DCDC1: variants seen among roughly 807,000 people sequenced by gnomAD.
DCDC1 encodes doublecortin domain-containing protein 1.
DCDC1 carries 200 observed loss-of-function variants against 178.3 expected under a neutral mutation model. The observed-to-expected ratio is 1.12, with a 90% confidence interval of 1.00 to 1.26. The LOEUF (loss-of-function observed/expected upper bound fraction) is 1.26, where lower values mean the gene tolerates loss of function less well. Among genes scored for constraint, DCDC1 ranks in the 50% most tolerant of loss-of-function variants. DCDC1 has a pLI of 0.00. For missense variants in DCDC1, 1,983 were observed against 1,749.2 expected, an observed-to-expected ratio of 1.13 and a Z score of -2.38; for synonymous variants, 690 against 604.8, an observed-to-expected ratio of 1.14 and a Z score of -2.07.
At chr11:31,343,433 AGTAG>A (rs1395229446) in intron 1 of DCDC1, among the ~76,000 whole-genome samples, 1 of 152,068 alleles carries the variant, frequency 6.6e-6, no homozygotes, top group East Asian at 1.9e-4. Flanking sequence ...CAGCCTCGCA[AGTAG>A]CTGAGATTAC....
intron 21 of DCDC1, among the ~76,000 whole-genome samples, chr11:30,932,346 T>C (rs994517284): frequency 6.6e-6 from 1 of 152,026 alleles, no homozygotes; most frequent in African/African-American, 2.4e-5. Flanking sequence ...CTAGATCTAA[T>C]TGGCAAAAAA....
chr11:31,327,935 G>A (rs2137859389), intron 3 of DCDC1, among the ~76,000 whole-genome samples, 182 bp downstream of exon 3: 1 of 152,026 alleles, frequency 6.6e-6, no homozygotes. Context: ...TCACCATGTT[G>A]GCCAGGCTGG....
intron 9 of DCDC1, among the ~76,000 whole-genome samples, chr11:31,190,111 G>T (rs1022840933): frequency 6.6e-6 from 1 of 152,272 alleles, no homozygotes. Flanking sequence ...GAACATCAGG[G>T]TATCACTTAT....
At chr11:30,946,731 C>A (rs1948078614) in intron 21 of DCDC1, among the ~76,000 whole-genome samples, 1 of 152,156 alleles carries the variant, frequency 6.6e-6, no homozygotes, top group Non-Finnish European at 1.5e-5. Context: ...CTGCTGCAAA[C>A]AACTAAAAAG....
At chr11:30,963,702 C>T (rs962611421) in intron 20 of DCDC1, among the ~76,000 whole-genome samples, 2 of 152,108 alleles carry the variant, frequency 1.3e-5, no homozygotes, top group Non-Finnish European at 2.9e-5. Context: ...CTCTGTAGCA[C>T]TACCTATCTA....
intron 20 of DCDC1, among the ~76,000 whole-genome samples, chr11:30,988,416 G>GA (rs1950778484): frequency 1.3e-5 from 2 of 151,822 alleles, no homozygotes; most frequent in African/African-American, 2.4e-5. Flanking sequence ...TATTCAGCTT[G>GA]AAAAAAAATG....
chr11:30,941,805 C>A (rs1046850306), intron 21 of DCDC1, among the ~76,000 whole-genome samples: 1 of 151,992 alleles, frequency 6.6e-6, no homozygotes, highest in Non-Finnish European at 1.5e-5. Flanking sequence ...TCATGAGGCA[C>A]AAATTTGTGA....
chr11:31,073,967 T>C (rs1371211947), intron 18 of DCDC1, among the ~76,000 whole-genome samples: 2 of 152,016 alleles, frequency 1.3e-5, no homozygotes, highest in Non-Finnish European at 2.9e-5. Context: ...AGTAGAAAAA[T>C]AAAATTACCA....
chr11:30,952,034 G>A (rs1297531248), intron 21 of DCDC1, among the ~76,000 whole-genome samples: 2 of 151,976 alleles, frequency 1.3e-5, no homozygotes, highest in Non-Finnish European at 2.9e-5. Flanking sequence ...AGGAAAGGGT[G>A]GAAAGAAGAT....
chr11:31,329,384 G>C (rs556698947), intron 2 of DCDC1, among the ~76,000 whole-genome samples: 8 of 137,726 alleles, frequency 5.8e-5, no homozygotes, highest in Non-Finnish European at 1.2e-4. Flanking sequence ...AGTTGGAGTC[G>C]GGATTTTCCA....
intron 8 of DCDC1, among the ~76,000 whole-genome samples, chr11:31,262,049 G>T (rs1015558910): frequency 1.3e-5 from 2 of 151,960 alleles, no homozygotes; most frequent in African/African-American, 4.8e-5. Flanking sequence ...AGGATTGCTT[G>T]AACACAGAAG....
chr11:30,865,776 A>G (rs1940924779), intron 38 of DCDC1, among the ~76,000 whole-genome samples: 1 of 151,938 alleles, frequency 6.6e-6, no homozygotes, highest in Non-Finnish European at 1.5e-5. Context: ...TGGTTTTTCC[A>G]TTAATATCAG....
intron 20 of DCDC1, among the ~76,000 whole-genome samples, chr11:30,975,112 G>A (rs754616010): frequency 1.3e-5 from 2 of 151,794 alleles, no homozygotes; most frequent in African/African-American, 2.4e-5. Flanking sequence ...AGAGAATGAG[G>A]TACAAAAACT....
intron 3 of DCDC1, among the ~76,000 whole-genome samples, chr11:31,310,432 C>T (rs1948706377): frequency 6.8e-6 from 1 of 146,934 alleles, no homozygotes; most frequent in Non-Finnish European, 1.5e-5. Flanking sequence ...GATTCTTCTG[C>T]CTCAGCTTCC....
intron 1 of DCDC1, among the ~76,000 whole-genome samples, chr11:31,359,601 A>G (rs1419483231): frequency 6.6e-6 from 1 of 152,188 alleles, no homozygotes; most frequent in Non-Finnish European, 1.5e-5. Context: ...AAAAAGAAAG[A>G]AAATGTCCCT....
At chr11:31,310,090 A>G (rs1269072523) in intron 3 of DCDC1, among the ~76,000 whole-genome samples, 1 of 152,146 alleles carries the variant, frequency 6.6e-6, no homozygotes, top group Non-Finnish European at 1.5e-5. Context: ...AAGAGATTAT[A>G]GATTTACCCA....
intron 1 of DCDC1, among the ~76,000 whole-genome samples, chr11:31,359,018 C>T (rs923065538): frequency 1.3e-5 from 2 of 152,198 alleles, no homozygotes; most frequent in African/African-American, 4.8e-5. Flanking sequence ...TTGTGGGAGT[C>T]AGTGTGGCGA....
At chr11:30,949,460 A>T (rs1948272792) in intron 21 of DCDC1, among the ~76,000 whole-genome samples, 1 of 152,218 alleles carries the variant, frequency 6.6e-6, no homozygotes, top group Non-Finnish European at 1.5e-5. Context: ...TTCCTCAAGG[A>T]TCTAGAACCA....
intron 20 of DCDC1, among the ~76,000 whole-genome samples, chr11:30,968,711 T>TTATATATATATATATATA (rs71451193): frequency 0.012 from 737 of 60,926 alleles, 84 homozygotes; most frequent in African/African-American, 0.023. Flanking sequence ...ATATATCAAA[T>TTATATATATATATATATA]TATATATATA....
Sources: allele counts gnomAD v4.1 joint callset (sites outside exome capture counted in the v4.1 genomes callset), GRCh38; gene constraint gnomAD v4.1.1; transcripts MANE v1.5; gene names NCBI Gene and HGNC (gene_info 2026-07-23, HGNC 2026-07-21).